ESF1: variants seen among roughly 807,000 people sequenced by gnomAD.
The protein encoded by ESF1 is ESF1 nucleolar pre-rRNA processing protein, also known as ESF1 homolog.
ESF1 carries 58 observed loss-of-function variants against 92.0 expected under a neutral mutation model. The ratio of observed to expected loss-of-function variants is 0.63; its 90% CI spans 0.51 to 0.78. ESF1 has a LOEUF of 0.78. ESF1 is among the 30% of genes least tolerant of loss of function. The probability of loss-of-function intolerance (pLI) is 0.00; values close to 1 mark genes in which losing one functional copy is unlikely to be tolerated. For missense variants in ESF1, 922 were observed against 989.1 expected (o/e 0.93, Z 0.91); for synonymous variants, 321 against 313.7 (o/e 1.02, Z -0.24).
At position 13,766,760 on chromosome 20, in the gene ESF1, T is replaced by C. The variant is rs776206587; in HGVS notation, c.1666+17A>G. ...AAGACCTATGTCCATTAATGGTCAC[T>C]GAAAGATTAACAATACCTTGTAGCT... is the stretch of plus-strand genomic sequence containing the variant. On this transcript the variant is annotated intron_variant, in intron 8 of 13. Coordinates refer to ENST00000617257, the MANE Select transcript of ESF1 (RefSeq NM_001276380.2). 3.7e-6 allele frequency: 6 copies of C among 1,611,338 alleles called. No individual in the cohort carries two copies. The highest frequency in any genetic ancestry group is 4.2e-6 in the Non-Finnish European group (5 of 1,179,178).
Position 13,772,587 on chromosome 20 carries a change from C to G in ESF1, c.1178G>C (p.Arg393Thr). 1 of 1,612,466 alleles carries G rather than the reference C, an allele frequency of 6.2e-7. No individual in the cohort carries two copies. The highest frequency in any genetic ancestry group is 8.5e-7 in the Non-Finnish European group (1 of 1,179,176). Residue 393 changes from arginine (R) to threonine (T), a missense_variant, in exon 5 of 14, where the codon AGG (arginine) becomes ACG (threonine). By Grantham distance (71) the Arg-to-Thr change is moderately conservative (BLOSUM62 -1). Transcript: ENST00000617257. ...KIYPSEFGKE[R>T]MKEEQVQGPV... ...TCCTTGAACTTGCTCTTCCTTCATCCTCTCCTTTCCAAATTCTGAAGGATA... is the reference window on the plus strand; with the variant it reads ...TCCTTGAACTTGCTCTTCCTTCATCGTCTCCTTTCCAAATTCTGAAGGATA...
chr20:13,730,574 C>T (rs569360595), intron 10 of ESF1, among the ~76,000 whole-genome samples: 2 of 151,552 alleles, frequency 1.3e-5, no homozygotes, highest in East Asian at 2.0e-4. Context: ...TCAGTAGAGA[C>T]GGGGTTTCAC....
chr20:13,724,867 C>T (rs957078341), intron 11 of ESF1, among the ~76,000 whole-genome samples: 1 of 152,098 alleles, frequency 6.6e-6, no homozygotes, highest in Non-Finnish European at 1.5e-5. Context: ...TGTAATGTGC[C>T]TTTGAAAAGC....
chr20:13,768,139 T>C (rs1253993914), intron 7 of ESF1, among the ~76,000 whole-genome samples: 1 of 152,216 alleles, frequency 6.6e-6, no homozygotes, highest in Non-Finnish European at 1.5e-5. Flanking sequence ...GGTAGAGTTT[T>C]ACTACACCCA....
intron 7 of ESF1, among the ~76,000 whole-genome samples, chr20:13,768,373 G>C (rs948374902): frequency 6.6e-6 from 1 of 152,058 alleles, no homozygotes; most frequent in Non-Finnish European, 1.5e-5. Flanking sequence ...ACCAGAGGTT[G>C]GGAGTTCGAG....
At chr20:13,745,509 C>T (rs1004710604) in intron 9 of ESF1, among the ~76,000 whole-genome samples, 7 of 151,994 alleles carry the variant, frequency 4.6e-5, no homozygotes, top group South Asian at 2.1e-4. Flanking sequence ...TAGAGTGTAA[C>T]GGTAAGATTT....
intron 9 of ESF1, among the ~76,000 whole-genome samples, chr20:13,750,039 C>T (rs995987426): frequency 2.0e-5 from 3 of 152,216 alleles, no homozygotes; most frequent in Non-Finnish European, 4.4e-5. Context: ...CCACAGACCT[C>T]AATTCCGAAA....
At chr20:13,769,761 G>T in intron 7 of ESF1, 146 bp downstream of exon 7, 1 of 642,660 alleles carries the variant, frequency 1.6e-6, no homozygotes, top group Non-Finnish European at 2.7e-6. Flanking sequence ...ACTCCAGCCT[G>T]GGTGAGAGAG....
chr20:13,715,023 C>G lies in ESF1; in HGVS notation c.2407G>C (p.Glu803Gln), dbSNP rs1382285230. The G allele has an allele frequency of 9.9e-6, 16 of 1,613,538 alleles. No homozygotes were observed. Among genetic ancestry groups the G allele is most frequent in the Non-Finnish European group, 1.3e-5 (15 of 1,179,942 alleles). The change falls in exon 14 of 14, where the codon GAA (glutamate) becomes CAA (glutamine). Residue 803 changes from glutamate (E) to glutamine (Q), a missense_variant. Coordinates refer to ENST00000617257, the MANE Select transcript of ESF1 (RefSeq NM_001276380.2). ...KARQRERKEQ[E>Q]LTQAIKKKES... Reference sequence around the variant, plus strand: ...TTTTTCTTTATTGCCTGAGTAAGTTCTTGTTCTTTCCGTTCTCTTTGCCGG... The same window carrying G: ...TTTTTCTTTATTGCCTGAGTAAGTTGTTGTTCTTTCCGTTCTCTTTGCCGG...
In ESF1 at chr20:13,715,192, T is replaced by A. The variant is rs771983241; in HGVS notation, c.2263-25A>T. On this transcript the variant is annotated intron_variant, in intron 13 of 13. Coordinates refer to ENST00000617257, the MANE Select transcript of ESF1 (RefSeq NM_001276380.2). Reference sequence around the variant, plus strand: ...CCTGCAAATCCAAAAAAAAAAAAAATTAATAAATTAATTAAACAAAATTAC... The same window carrying A: ...CCTGCAAATCCAAAAAAAAAAAAAAATAATAAATTAATTAAACAAAATTAC... The A allele has an allele frequency of 1.7e-5, 23 of 1,372,560 alleles. No homozygotes were observed. In the Middle Eastern group the frequency reaches 1.0e-3, roughly 61 times the overall value. The allele number at this position is 1,372,560 out of a possible 1,614,324, so 85.0% of individuals were successfully genotyped here. A position where few individuals can be genotyped will look rare whatever the true frequency, so the allele number is the denominator to read the frequency against.
In ESF1 at chr20:13,741,558, T is replaced by C. The variant is rs376499357; in HGVS notation, c.1829-7716A>G. Reference sequence around the variant, plus strand: ...TCACATTACTAGAGGAAAGGAGAGATTATTCAACAAATGGAACAAGATAAA... The same window carrying C: ...TCACATTACTAGAGGAAAGGAGAGACTATTCAACAAATGGAACAAGATAAA... On this transcript the variant is annotated intron_variant, in intron 9 of 13. Transcript: ENST00000617257. 3.9e-5 allele frequency among the ~76,000 whole-genome samples: 6 copies of C among 151,952 alleles called. No homozygotes were observed. The East Asian group carries it at 1.2e-3, about 29-fold the overall frequency.
intron 2 of ESF1, among the ~76,000 whole-genome samples, chr20:13,779,306 A>G (rs1160758474): frequency 6.6e-6 from 1 of 152,176 alleles, no homozygotes; most frequent in African/African-American, 2.4e-5. Context: ...AGTTAGGAAA[A>G]TATGGTTAAT....
intron 9 of ESF1, among the ~76,000 whole-genome samples, chr20:13,758,419 A>G (rs1978998201): frequency 1.3e-5 from 2 of 152,240 alleles, no homozygotes; most frequent in Non-Finnish European, 2.9e-5. Context: ...GCAACACAGC[A>G]CTTCATTCCT....
At chr20:13,740,475 G>A (rs561627719) in intron 9 of ESF1, among the ~76,000 whole-genome samples, 6 of 152,284 alleles carry the variant, frequency 3.9e-5, no homozygotes, top group South Asian at 4.1e-4. Flanking sequence ...TACCCAGCAC[G>A]TTGTAGAGAT....
chr20:13,740,792 T>C (rs1176884466), intron 9 of ESF1, among the ~76,000 whole-genome samples: 1 of 152,170 alleles, frequency 6.6e-6, no homozygotes, highest in African/African-American at 2.4e-5. Flanking sequence ...ACATCTCTCC[T>C]GACAGGATTC....
Position 13,776,146 on chromosome 20 carries a change from TTCC to T in ESF1, c.759_761del (p.Glu254del), listed in dbSNP as rs755011007. ...CAACACTTGTAATTTCATTTTCAGA[TTCC>T]TCATCACTTCCTATTTCACTAACGC... On this transcript the variant is annotated inframe_deletion, in exon 3 of 14. Transcript: ENST00000617257. The T allele has an allele frequency of 5.1e-5, 83 of 1,613,852 alleles. No homozygotes were observed. The highest frequency in any genetic ancestry group is 6.7e-5 in the Non-Finnish European group (79 of 1,179,916).
chr20:13,782,713 G>C lies in ESF1; in HGVS notation c.428C>G (p.Ser143Ter). 6.3e-7 allele frequency: 1 copy of C among 1,585,606 alleles called. No homozygotes were observed. Among genetic ancestry groups the C allele is most frequent in the Non-Finnish European group, 8.5e-7 (1 of 1,171,362 alleles). ...NSIGIKKMKT[S>*]CKFKIDSNIS... ...GTTTGAATCTATCTTAAATTTACATGAGGTTTTCATTTTTTTAATTCCTAT... is the reference window on the plus strand; with the variant it reads ...GTTTGAATCTATCTTAAATTTACATCAGGTTTTCATTTTTTTAATTCCTAT... The change falls in exon 2 of 14, where the codon TCA becomes TGA. Residue 143 changes from serine to a stop codon, truncating the protein, a stop_gained. Coordinates refer to ENST00000617257, the MANE Select transcript of ESF1 (RefSeq NM_001276380.2). LOFTEE classifies it high-confidence loss of function.
At chr20:13,740,731 C>T (rs1009572126) in intron 9 of ESF1, among the ~76,000 whole-genome samples, 2 of 152,094 alleles carry the variant, frequency 1.3e-5, no homozygotes, top group Non-Finnish European at 2.9e-5. Context: ...TCTAGAACAC[C>T]TAAAATATGT....
At chr20:13,763,435 G>A (rs769758089) in intron 8 of ESF1, among the ~76,000 whole-genome samples, 5 of 152,156 alleles carry the variant, frequency 3.3e-5, no homozygotes, top group Non-Finnish European at 7.3e-5. Flanking sequence ...ATTTAGTTCA[G>A]TTCTCCCAAA....
Sources: gnomAD v4.1 joint callset for allele counts (sites outside exome capture counted in the v4.1 genomes callset) on GRCh38, gnomAD v4.1.1 for gene constraint, MANE v1.5 for transcripts, NCBI Gene and HGNC (gene_info 2026-07-23, HGNC 2026-07-21) for gene names.